SYNE1: variants seen among roughly 807,000 people sequenced by gnomAD.
SYNE1 encodes the protein nesprin-1.
SYNE1 carries 616 observed loss-of-function variants against 1,111.0 expected under a neutral mutation model. The ratio of observed to expected loss-of-function variants is 0.55; its 90% confidence interval spans 0.52 to 0.59. The LOEUF is 0.59. Among genes scored for constraint, SYNE1 ranks in the 20% least tolerant of loss-of-function variants. SYNE1 has a pLI of 0.00. For synonymous variants in SYNE1, 3,855 were observed against 3,825.8 expected (o/e 1.01, Z -0.28); for missense variants, 10,006 against 10,417.0 (o/e 0.96, Z 1.72).
At chr6:152,291,024 T>C (rs928668350) in intron 95 of SYNE1, among the ~76,000 whole-genome samples, 2 of 149,614 alleles carry the variant, frequency 1.3e-5, no homozygotes, top group African/African-American at 2.4e-5. Context: ...TGCTATTTTC[T>C]TTCCCTCTCA....
intron 120 of SYNE1, among the ~76,000 whole-genome samples, chr6:152,218,700 G>C (rs2079341171): frequency 6.6e-6 from 1 of 152,140 alleles, no homozygotes; most frequent in Non-Finnish European, 1.5e-5. Flanking sequence ...GTAAAAGTCT[G>C]AGTTAAATAA....
At chr6:152,139,606 A>AG (rs561208991) in intron 140 of SYNE1, among the ~76,000 whole-genome samples, 3 of 137,350 alleles carry the variant, frequency 2.2e-5, no homozygotes, top group Non-Finnish European at 3.1e-5. Flanking sequence ...GAAGGGAGGG[A>AG]GGGGGGAGAG....
chr6:152,557,601 TA>T (rs1385934053), intron 3 of SYNE1, among the ~76,000 whole-genome samples: 1 of 152,096 alleles, frequency 6.6e-6, no homozygotes, highest in African/African-American at 2.4e-5. Context: ...GGAAACTCCG[TA>T]AGATTACAAG....
At chr6:152,341,000 C>T (rs1400230726) in intron 74 of SYNE1, among the ~76,000 whole-genome samples, 1 of 152,156 alleles carries the variant, frequency 6.6e-6, no homozygotes, top group Non-Finnish European at 1.5e-5. Flanking sequence ...AGTTGACTTC[C>T]AGGATTTTCC....
chr6:152,594,812 T>C (rs1450285259), intron 3 of SYNE1, among the ~76,000 whole-genome samples: 1 of 152,110 alleles, frequency 6.6e-6, no homozygotes, highest in Non-Finnish European at 1.5e-5. Context: ...TTCATCCTCA[T>C]GATTTTAAAG....
chr6:152,323,387 C>G (rs954232137), intron 82 of SYNE1, 91 bp downstream of exon 82: 13 of 1,566,646 alleles, frequency 8.3e-6, no homozygotes, highest in East Asian at 4.5e-5. Flanking sequence ...TGCAGTGAGC[C>G]GAGATCACAC....
intron 84 of SYNE1, 36 bp downstream of exon 84, chr6:152,321,194 TATAAACAA>T (rs763628296): frequency 3.7e-6 from 6 of 1,609,582 alleles, no homozygotes; most frequent in Non-Finnish European, 5.1e-6. Flanking sequence ...GGACTGACCC[TATAAACAA>T]AATGGAAAGA....
At position 152,148,207 on chromosome 6, in the gene SYNE1, G is replaced by A. The variant is rs761433022; in HGVS notation, c.24814C>T (p.Arg8272Ter). ...AQPLRSERSG[R>*]DTPASVDSIP... Reference sequence around the variant, plus strand: ...GAGTCCACACTAGCCGGGGTGTCTCGTCCTGACCGCTCGCTCCGGAGGGGC... The same window carrying A: ...GAGTCCACACTAGCCGGGGTGTCTCATCCTGACCGCTCGCTCCGGAGGGGC... Residue 8272 changes from arginine (R) to a stop codon, truncating the protein, a stop_gained, in exon 137 of 146, where the codon CGA becomes TGA. Coordinates refer to ENST00000367255, the MANE Select transcript of SYNE1 (RefSeq NM_182961.4). LOFTEE classifies it high-confidence loss of function. The surrounding 1 kb of genome is among the most constrained non-coding windows in gnomAD (Gnocchi z 4.1). 10 of 1,614,164 alleles carry A rather than the reference G, an allele frequency of 6.2e-6. No individual in the cohort carries two copies. Among genetic ancestry groups the A allele is most frequent in the Admixed American group, 1.7e-5 (1 of 60,028 alleles).
At chr6:152,448,439 A>T (rs999353676) in intron 28 of SYNE1, among the ~76,000 whole-genome samples, 1 of 151,802 alleles carries the variant, frequency 6.6e-6, no homozygotes, top group Admixed American at 6.6e-5. Context: ...TAGGATGTGA[A>T]TTTTTTTTTG....
chr6:152,584,681 G>T (rs1179477951), intron 3 of SYNE1, among the ~76,000 whole-genome samples: 1 of 152,140 alleles, frequency 6.6e-6, no homozygotes, highest in Non-Finnish European at 1.5e-5. Flanking sequence ...GGGGTTACAG[G>T]CATGAGCCAC....
chr6:152,372,186 A>C (rs1425963361), intron 59 of SYNE1, among the ~76,000 whole-genome samples: 1 of 152,206 alleles, frequency 6.6e-6, no homozygotes, highest in Non-Finnish European at 1.5e-5. Flanking sequence ...ACGATCCCTG[A>C]AGGATTAAAG....
intron 137 of SYNE1, chr6:152,146,218 C>T (rs2152858116): frequency 6.5e-6 from 1 of 154,466 alleles, no homozygotes; most frequent in Admixed American, 6.4e-5. Context: ...ACAGAAAGTA[C>T]ATGGCAGAAC....
chr6:152,295,158 T>C (rs539382338), intron 93 of SYNE1, among the ~76,000 whole-genome samples: 42 of 152,286 alleles, frequency 2.8e-4, no homozygotes, highest in African/African-American at 9.6e-4. Context: ...TTGGAGCAAA[T>C]AACTTATATC....
intron 101 of SYNE1, among the ~76,000 whole-genome samples, chr6:152,257,948 C>T (rs964205530): frequency 1.4e-4 from 21 of 151,994 alleles, no homozygotes; most frequent in Non-Finnish European, 2.8e-4. Flanking sequence ...GATAGCAGAA[C>T]ACTCAACATC....
chr6:152,427,546 G>T, intron 38 of SYNE1, 147 bp downstream of exon 38: 1 of 952,804 alleles, frequency 1.0e-6, no homozygotes, highest in Non-Finnish European at 1.6e-6. Context: ...CTTCTTTTTG[G>T]AACACCCTGA....
chr6:152,500,989 T>C (rs1180243761), intron 10 of SYNE1, among the ~76,000 whole-genome samples: 1 of 152,006 alleles, frequency 6.6e-6, no homozygotes, highest in Non-Finnish European at 1.5e-5. Context: ...TTACATTTTT[T>C]GGTTTTCTTA....
intron 123 of SYNE1, 105 bp downstream of exon 123, chr6:152,213,507 A>G (rs2077940728): frequency 1.6e-6 from 2 of 1,272,300 alleles, no homozygotes; most frequent in Non-Finnish European, 2.3e-6. Flanking sequence ...GCATTTAGAC[A>G]CTCGTGCAAA....
chr6:152,367,349 C>G lies in SYNE1; in HGVS notation c.9841G>C (p.Glu3281Gln), dbSNP rs1033418687. 1.2e-6 allele frequency: 2 copies of G among 1,614,164 alleles called. No homozygotes were observed. Among genetic ancestry groups the G allele is most frequent in the Non-Finnish European group, 8.5e-7 (1 of 1,180,020 alleles). ...KVSRLDRIVAEHNQFSLGIKE... is the reference protein window; with the variant it reads ...KVSRLDRIVAQHNQFSLGIKE... ...ATCCCAAGAGAGAACTGATTGTGTT[C>G]TGCAACGATTCTATCCAGTCTTGAC... is the stretch of plus-strand genomic sequence containing the variant. Residue 3281 changes from glutamate (E) to glutamine (Q), a missense_variant, in exon 62 of 146, where the codon GAA becomes CAA. Physicochemically the swap from Glu to Gln is conservative, Grantham distance 29. Coordinates refer to ENST00000367255, the MANE Select transcript of SYNE1 (RefSeq NM_182961.4).
intron 115 of SYNE1, among the ~76,000 whole-genome samples, chr6:152,226,726 C>T (rs144016226): frequency 1.7e-3 from 253 of 152,256 alleles, no homozygotes; most frequent in African/African-American, 5.9e-3. Flanking sequence ...TCCGACCTGT[C>T]TTGGGTAAAA....
Sources: allele counts gnomAD v4.1 joint callset (sites outside exome capture counted in the v4.1 genomes callset), GRCh38; gene constraint gnomAD v4.1.1; non-coding constraint Gnocchi (gnomAD v3.1); transcripts MANE v1.5; gene names NCBI Gene and HGNC (gene_info 2026-07-23, HGNC 2026-07-21).